Variants in STAT5B observed in about 807,000 individuals in gnomAD.
STAT5B encodes the protein signal transducer and activator of transcription 5B, also known as transcription factor STAT5B.
A neutral mutation model predicts 107.8 loss-of-function variants in STAT5B; 21 were observed. The ratio of observed to expected loss-of-function variants is 0.19; its 90% CI spans 0.14 to 0.28. The LOEUF (loss-of-function observed/expected upper bound fraction) is 0.28, where lower values mean the gene tolerates loss of function less well. Ranked by LOEUF, STAT5B falls within the 10% of genes least tolerant of loss-of-function variation. STAT5B has a pLI of 1.00. For synonymous variants in STAT5B, 325 were observed against 401.7 expected (o/e 0.81, Z 2.28); for missense variants, 565 against 1,008.2 (o/e 0.56, Z 5.95).
intron 1 of STAT5B, among the ~76,000 whole-genome samples, chr17:42,244,512 C>A (rs2080434361): frequency 6.6e-6 from 1 of 152,166 alleles, no homozygotes; most frequent in Non-Finnish European, 1.5e-5. Flanking sequence ...TCAGCTACTA[C>A]AATACCCTGT....
intron 1 of STAT5B, among the ~76,000 whole-genome samples, chr17:42,255,758 CAAT>C (rs889625351): frequency 6.6e-6 from 1 of 152,338 alleles, no homozygotes; most frequent in Admixed American, 6.5e-5. Context: ...GGTCACACAA[CAAT>C]GTGAATGTGC....
intron 15 of STAT5B, among the ~76,000 whole-genome samples, chr17:42,209,424 A>T (rs2080111526): frequency 6.6e-6 from 1 of 152,226 alleles, no homozygotes; most frequent in Non-Finnish European, 1.5e-5. Context: ...GGGTCAGAGG[A>T]GAGAACTAAC....
chr17:42,215,902 G>A (rs887009317), intron 12 of STAT5B, 112 bp downstream of exon 12: 3 of 1,211,430 alleles, frequency 2.5e-6, no homozygotes, highest in Non-Finnish European at 3.5e-6. Context: ...GATTACAAGT[G>A]TGAGTCACTG....
chr17:42,248,273 CAAAAAAAA>C (rs61401221), intron 1 of STAT5B, among the ~76,000 whole-genome samples: 8 of 69,196 alleles, frequency 1.2e-4, no homozygotes, highest in East Asian at 4.2e-4. Flanking sequence ...AGATCTTGTC[CAAAAAAAA>C]AAAAAAAAAA....
At chr17:42,211,843 G>C in intron 13 of STAT5B, 141 bp downstream of exon 13, 1 of 1,286,514 alleles carries the variant, frequency 7.8e-7, no homozygotes, top group Non-Finnish European at 1.1e-6. Flanking sequence ...CTCTCAAGTT[G>C]TCCATCTAGT....
intron 15 of STAT5B, among the ~76,000 whole-genome samples, chr17:42,209,180 G>A (rs576404582): frequency 2.6e-5 from 4 of 152,080 alleles, no homozygotes; most frequent in African/African-American, 9.6e-5. Flanking sequence ...GACTACAGGC[G>A]CACACCATGA....
At chr17:42,277,950 G>A (rs2080778000), upstream of STAT5B, among the ~76,000 whole-genome samples, 1 of 151,872 alleles carries the variant, frequency 6.6e-6, no homozygotes, top group South Asian at 2.1e-4. Context: ...TAGAGACGGG[G>A]TTTCACCATG....
intron 1 of STAT5B, among the ~76,000 whole-genome samples, chr17:42,274,245 T>C (rs2080744694): frequency 1.0e-5 from 1 of 100,020 alleles, no homozygotes; most frequent in South Asian, 2.9e-4. Context: ...CTACTGGTGA[T>C]AGAAATCAAC....
chr17:42,284,407 CAGG>C, the STAT5B span, among the ~76,000 whole-genome samples: 2 of 152,170 alleles, frequency 1.3e-5, no homozygotes, highest in Non-Finnish European at 2.9e-5. Context: ...GCTGGGACTA[CAGG>C]TGTGCACCAC....
upstream of STAT5B, chr17:42,276,809 C>T (rs573617949): frequency 6.6e-6 from 1 of 152,558 alleles, no homozygotes; most frequent in East Asian, 1.9e-4. This position sits in a 1 kb window ranked among gnomAD's most constrained non-coding sequence, Gnocchi z 4.8. Flanking sequence ...GGAGCCCAGG[C>T]CCGCGTTCCG....
At chr17:42,223,137 A>G (rs1468721776) in intron 5 of STAT5B, among the ~76,000 whole-genome samples, 10 of 152,216 alleles carry the variant, frequency 6.6e-5, no homozygotes, top group African/African-American at 2.4e-4. Flanking sequence ...CTTCCCTGGC[A>G]GCTCAGAAGC....
chr17:42,265,308 A>G (rs1466045386), intron 1 of STAT5B, among the ~76,000 whole-genome samples: 1 of 151,738 alleles, frequency 6.6e-6, no homozygotes, highest in East Asian at 1.9e-4. Context: ...AAATCTTTAA[A>G]CATATTTCAG....
intron 1 of STAT5B, among the ~76,000 whole-genome samples, chr17:42,232,949 C>T (rs2080329076): frequency 6.7e-6 from 1 of 148,868 alleles, no homozygotes; most frequent in African/African-American, 2.5e-5. Context: ...TCAAGCAATT[C>T]TACTGCCTCA....
intron 7 of STAT5B, 117 bp from the exon 8 acceptor site, chr17:42,218,995 C>T: frequency 1.0e-6 from 1 of 966,466 alleles, no homozygotes; most frequent in South Asian, 1.6e-5. Context: ...ACACTTCCCA[C>T]CCATGGGAAG....
intron 1 of STAT5B, chr17:42,271,481 A>G (rs2080721670): frequency 6.6e-6 from 1 of 152,246 alleles, no homozygotes. Flanking sequence ...CATGCTCTAT[A>G]TCTTAGTATA....
chr17:42,204,050 G>A (rs2080067383), intron 16 of STAT5B, among the ~76,000 whole-genome samples: 1 of 152,144 alleles, frequency 6.6e-6, no homozygotes, highest in Admixed American at 6.6e-5. Flanking sequence ...TGAGTGTCTA[G>A]TCTTTCAGGA....
rs186399386 is a variant in STAT5B at position 42,266,554 on chromosome 17, A to G, written c.-11+9694T>C. ...GACACTGTCTCAAAAAATAAAAAAA[A>G]AAAAAAAAAAATCATTCCCTTAAAA... On this transcript the variant is annotated intron_variant, in intron 1 of 18. Transcript: ENST00000293328. Among the ~76,000 whole-genome samples the G allele has an allele frequency of 1.4e-3, 212 of 151,116 alleles. 2 individuals carry two copies. The East Asian group carries it at 0.017, about 12-fold the overall frequency.
At chr17:42,221,270 G>T (rs1271903881) in intron 5 of STAT5B, among the ~76,000 whole-genome samples, 1 of 152,144 alleles carries the variant, frequency 6.6e-6, no homozygotes, top group African/African-American at 2.4e-5. Context: ...CCCAGCCACA[G>T]GGAGGGTGGT....
chr17:42,214,249 T>A, intron 12 of STAT5B: 10 of 985,186 alleles, frequency 1.0e-5, no homozygotes, highest in Non-Finnish European at 1.2e-5. Flanking sequence ...AGTAATTACA[T>A]GGTGCAGGAG....
Sources: allele counts gnomAD v4.1 joint callset (sites outside exome capture counted in the v4.1 genomes callset), GRCh38; gene constraint gnomAD v4.1.1; non-coding constraint Gnocchi (gnomAD v3.1); transcripts MANE v1.5; gene names NCBI Gene and HGNC (gene_info 2026-07-23, HGNC 2026-07-21).